The following PACRG variants were observed in gnomAD, a reference collection of about 807,000 sequenced individuals.
PACRG encodes parkin coregulated.
In PACRG, 29 loss-of-function variants were observed where a neutral mutation model predicts 29.7. That is an observed-to-expected ratio of 0.98 (90% CI 0.73 to 1.33). PACRG has a LOEUF of 1.33. PACRG is among the 40% of genes most tolerant of loss of function. PACRG has a pLI of 0.00. For synonymous variants in PACRG, 116 were observed against 118.7 expected, an observed-to-expected ratio of 0.98 and a Z score of 0.15; for missense variants, 279 against 316.2, an observed-to-expected ratio of 0.88 and a Z score of 0.89.
At chr6:163,177,737 T>TTTTTTTTTTTTTTTTG (rs1779447560) in intron 4 of PACRG, among the ~76,000 whole-genome samples, 1 of 141,814 alleles carries the variant, frequency 7.1e-6, no homozygotes, top group Admixed American at 7.0e-5. Flanking sequence ...TTTTTTTTTT[T>TTTTTTTTTTTTTTTTG]GCGGGTGGGA....
chr6:163,276,724 T>C (rs1273137540), intron 4 of PACRG, among the ~76,000 whole-genome samples: 3 of 152,212 alleles, frequency 2.0e-5, no homozygotes, highest in African/African-American at 7.2e-5. Flanking sequence ...GAGAATGAGC[T>C]TGAGGGAGCC....
intron 2 of PACRG, among the ~76,000 whole-genome samples, chr6:163,046,428 A>G (rs997155143): frequency 6.6e-6 from 1 of 151,228 alleles, no homozygotes; most frequent in Non-Finnish European, 1.5e-5. Context: ...GGGAATTAAT[A>G]TCATTTAGCA....
chr6:163,088,682 T>G (rs1004603067), intron 3 of PACRG, among the ~76,000 whole-genome samples: 1 of 152,194 alleles, frequency 6.6e-6, no homozygotes, highest in Non-Finnish European at 1.5e-5. Context: ...TGTTTCCTTC[T>G]AACTGAACTT....
At chr6:162,740,581 T>C (rs1481278271) in intron 1 of PACRG, among the ~76,000 whole-genome samples, 5 of 146,318 alleles carry the variant, frequency 3.4e-5, no homozygotes, top group African/African-American at 1.3e-4. Context: ...CCTCCCAAAG[T>C]GCTGGGATTA....
rs149443350 is a variant in PACRG, at chr6:162,895,545, T to C, written c.291+81264T>C. 1.4e-3 allele frequency among the ~76,000 whole-genome samples: 220 copies of C among 152,318 alleles called. 2 individuals are homozygous for C. The highest frequency in any genetic ancestry group is 4.8e-3 in the African/African-American group (199 of 41,572). ...CTTTGTATGTTTTAACGGTTTCTTA[T>C]GAAAGCATACCTTCTTCACCCAGCC... is the stretch of plus-strand genomic sequence containing the variant. On this transcript the variant is annotated intron_variant, in intron 2 of 4. Transcript: ENST00000366888.
intron 1 of PACRG, among the ~76,000 whole-genome samples, chr6:162,732,598 G>T (rs1250574830): frequency 6.6e-6 from 1 of 152,154 alleles, no homozygotes; most frequent in Non-Finnish European, 1.5e-5. Flanking sequence ...AAAGGAGAGA[G>T]ACAAGTAAAA....
chr6:163,160,451 G>A (rs141860959), intron 4 of PACRG, among the ~76,000 whole-genome samples: 80 of 152,210 alleles, frequency 5.3e-4, no homozygotes, highest in Middle Eastern at 6.8e-3. Context: ...TTCCATGCAG[G>A]ATTTTGCAAG....
chr6:163,219,504 C>A (rs569575758), intron 4 of PACRG, among the ~76,000 whole-genome samples: 2 of 152,188 alleles, frequency 1.3e-5, no homozygotes, highest in African/African-American at 2.4e-5. Context: ...AAAGAGTTAT[C>A]TTTTCAAATA....
upstream of PACRG, chr6:162,727,270 G>A (rs1042839686): frequency 1.4e-5 from 3 of 218,702 alleles, no homozygotes; most frequent in South Asian, 7.2e-5. Flanking sequence ...CACCACAACC[G>A]GCCAGTGAGG....
intron 3 of PACRG, 96 bp from the exon 4 acceptor site, chr6:163,089,163 A>G: frequency 7.6e-7 from 1 of 1,316,536 alleles, no homozygotes; most frequent in Non-Finnish European, 1.0e-6. Context: ...AGCACAGTTT[A>G]ATTAAATGCA....
At chr6:163,098,442 C>T (rs1248276336) in intron 4 of PACRG, among the ~76,000 whole-genome samples, 1 of 152,224 alleles carries the variant, frequency 6.6e-6, no homozygotes, top group Non-Finnish European at 1.5e-5. Context: ...GAACAGAGGG[C>T]TCGTCCCTCC....
intron 2 of PACRG, chr6:162,997,450 A>G (rs1186992041): frequency 2.2e-6 from 1 of 453,080 alleles, no homozygotes; most frequent in Non-Finnish European, 4.4e-6. Flanking sequence ...CTTGGCCCTT[A>G]AGTAACAGAT....
In PACRG at chr6:162,784,085, A is replaced by C. The variant is rs145360870; in HGVS notation, c.157-30062A>C. Among the ~76,000 whole-genome samples the C allele has an allele frequency of 8.0e-3, 1,213 of 152,296 alleles. 23 individuals are homozygous for C. Among genetic ancestry groups the C allele is most frequent in the Non-Finnish European group, 7.2e-3 (487 of 68,006 alleles). On this transcript the variant is annotated intron_variant, in intron 1 of 4. Transcript: ENST00000366888. ...AATTAGGAGAAAATTACAAATTTAG[A>C]ATATTGAGTCTTCCCTAAGAACAAG...
intron 2 of PACRG, among the ~76,000 whole-genome samples, chr6:163,035,580 A>G (rs1230956451): frequency 6.6e-6 from 1 of 152,022 alleles, no homozygotes; most frequent in Admixed American, 6.6e-5. Flanking sequence ...TGGGAGGCGG[A>G]AGTTGCAGTG....
intron 1 of PACRG, among the ~76,000 whole-genome samples, chr6:162,763,435 T>C (rs1782536255): frequency 6.6e-6 from 1 of 152,200 alleles, no homozygotes; most frequent in Admixed American, 6.6e-5. Flanking sequence ...GATTTTAAAA[T>C]AGAACATACA....
chr6:163,190,793 C>T (rs1354789020), intron 4 of PACRG: 1 of 339,132 alleles, frequency 2.9e-6, no homozygotes, highest in Non-Finnish European at 5.9e-6. Context: ...TGTGAGCCCG[C>T]TCCAAAGATA....
At chr6:162,774,680 G>T (rs891619503) in intron 1 of PACRG, among the ~76,000 whole-genome samples, 5 of 151,922 alleles carry the variant, frequency 3.3e-5, no homozygotes, top group African/African-American at 1.2e-4. Context: ...TATTTAGTTA[G>T]GCTTTTTTAT....
intron 1 of PACRG, among the ~76,000 whole-genome samples, chr6:162,764,733 C>T (rs1001710576): frequency 9.2e-5 from 14 of 151,464 alleles, no homozygotes; most frequent in Non-Finnish European, 1.9e-4. Flanking sequence ...TTAAAAAAAC[C>T]TCTGGAATCC....
intron 4 of PACRG, among the ~76,000 whole-genome samples, chr6:163,251,330 C>G (rs1296262818): frequency 1.3e-5 from 2 of 152,100 alleles, no homozygotes; most frequent in Admixed American, 1.3e-4. Flanking sequence ...TGGGATCATG[C>G]AGCCTTTATT....
Sources: gnomAD v4.1 joint callset for allele counts (sites outside exome capture counted in the v4.1 genomes callset) on GRCh38, gnomAD v4.1.1 for gene constraint, MANE v1.5 for transcripts, NCBI Gene and HGNC (gene_info 2026-07-23, HGNC 2026-07-21) for gene names.